The following CHLSN variants were observed in gnomAD, a reference collection of about 807,000 sequenced individuals.
CHLSN encodes the protein cholesin.
the CHLSN span, among the ~76,000 whole-genome samples, chr7:1,048,732 C>T: frequency 0.082 from 12,544 of 152,226 alleles, 677 homozygotes; most frequent in South Asian, 0.11. Context: ...GCTAGCCTGA[C>T]GGGGTCCTGT....
chr7:1,021,436 G>A, the CHLSN span: 1 of 985,348 alleles, frequency 1.0e-6, no homozygotes, highest in Admixed American at 6.1e-5. Flanking sequence ...CAGCCTTCCT[G>A]TCTTCATCCA....
At chr7:1,137,823 G>C in the CHLSN span, 4 of 152,164 alleles carry the variant, frequency 2.6e-5, no homozygotes, top group African/African-American at 9.7e-5. Context: ...TTGAAAAAGA[G>C]AAAGTGGGAG....
chr7:1,041,938 G>T, the CHLSN span, among the ~76,000 whole-genome samples: 1 of 152,176 alleles, frequency 6.6e-6, no homozygotes, highest in African/African-American at 2.4e-5. Context: ...AAGAAAGCCT[G>T]CCGACCCGCC....
chr7:1,092,569 G>A, the CHLSN span: 6 of 1,610,684 alleles, frequency 3.7e-6, no homozygotes, highest in Non-Finnish European at 3.4e-6. Flanking sequence ...CTTCATCAGC[G>A]TGCACCTCCT....
At chr7:1,064,097 CACACAT>C in the CHLSN span, among the ~76,000 whole-genome samples, 1 of 147,166 alleles carries the variant, frequency 6.8e-6, no homozygotes, top group African/African-American at 2.5e-5. Flanking sequence ...AGCATACACA[CACACAT>C]ACATGCGTGC....
At chr7:1,014,192 C>T in the CHLSN span, among the ~76,000 whole-genome samples, 1 of 152,350 alleles carries the variant, frequency 6.6e-6, no homozygotes, top group East Asian at 1.9e-4. Context: ...CCAAACCCTA[C>T]AGGCTGGGAG....
chr7:1,100,165 G>C, the CHLSN span, among the ~76,000 whole-genome samples: 1 of 152,196 alleles, frequency 6.6e-6, no homozygotes, highest in Non-Finnish European at 1.5e-5. Context: ...TTTCAAGCAG[G>C]TGCGTTCTCC....
chr7:983,208 C>T, the CHLSN span: 5 of 1,497,754 alleles, frequency 3.3e-6, no homozygotes, highest in Non-Finnish European at 4.5e-6. Flanking sequence ...CCAGCCACGT[C>T]CTCATGGCCC....
the CHLSN span, among the ~76,000 whole-genome samples, chr7:1,074,934 C>G: frequency 5.3e-5 from 8 of 152,330 alleles, no homozygotes; most frequent in South Asian, 1.7e-3. Flanking sequence ...GCAGGACAGA[C>G]GTCCCTCCAG....
At chr7:986,534 T>C in the CHLSN span, 3 of 1,490,706 alleles carry the variant, frequency 2.0e-6, no homozygotes, top group Non-Finnish European at 2.8e-6. Context: ...TCCCTGGGCG[T>C]GAACACAGCC....
At chr7:1,009,371 C>T in the CHLSN span, among the ~76,000 whole-genome samples, 204 of 152,280 alleles carry the variant, frequency 1.3e-3, no homozygotes, top group Non-Finnish European at 2.7e-3. Flanking sequence ...TGCTGGTAAG[C>T]GCCGGGGAGG....
the CHLSN span, chr7:1,058,000 C>G: frequency 5.2e-6 from 4 of 770,140 alleles, no homozygotes; most frequent in South Asian, 5.4e-5. Flanking sequence ...AGCTTCTCCT[C>G]GCTGCTCTTC....
the CHLSN span, among the ~76,000 whole-genome samples, chr7:1,031,508 G>C: frequency 3.5e-5 from 1 of 28,822 alleles, no homozygotes; most frequent in African/African-American, 1.1e-4. Flanking sequence ...GGTCCGGGGG[G>C]GCAGAGACCT....
the CHLSN span, among the ~76,000 whole-genome samples, chr7:1,095,053 T>C: frequency 6.6e-6 from 1 of 151,324 alleles, no homozygotes; most frequent in Non-Finnish European, 1.5e-5. Context: ...GGCACAGTCC[T>C]GCAGAACACC....
At chr7:1,109,022 A>T in the CHLSN span, among the ~76,000 whole-genome samples, 3 of 151,624 alleles carry the variant, frequency 2.0e-5, no homozygotes, top group Non-Finnish European at 4.4e-5. Context: ...CAGCCTCCCA[A>T]GTAGCTGGGA....
the CHLSN span, among the ~76,000 whole-genome samples, chr7:1,014,905 G>A: frequency 3.9e-5 from 6 of 152,242 alleles, no homozygotes; most frequent in South Asian, 4.1e-4. Flanking sequence ...TCCTGCCTGC[G>A]GGCCCTCCCT....
the CHLSN span, among the ~76,000 whole-genome samples, chr7:1,099,881 G>C: frequency 6.6e-6 from 1 of 152,236 alleles, no homozygotes. Flanking sequence ...CGGTGCAGCA[G>C]ACGCACCTGA....
At chr7:1,098,431 T>C in the CHLSN span, among the ~76,000 whole-genome samples, 1 of 152,202 alleles carries the variant, frequency 6.6e-6, no homozygotes, top group Admixed American at 6.5e-5. Context: ...CAGTGGAATA[T>C]TACTCTGCCA....
At chr7:978,773 G>A in the CHLSN span, among the ~76,000 whole-genome samples, 3,562 of 152,318 alleles carry the variant, frequency 0.023, 57 homozygotes, top group South Asian at 0.038. Context: ...GTTATCTGCC[G>A]CTGCATAACA....
Sources: gnomAD v4.1 joint callset for allele counts (sites outside exome capture counted in the v4.1 genomes callset) on GRCh38, gnomAD v4.1.1 for gene constraint, MANE v1.5 for transcripts, NCBI Gene and HGNC (gene_info 2026-07-23, HGNC 2026-07-21) for gene names.